The following ACO2 variants were observed in gnomAD, a reference collection of about 807,000 sequenced individuals.
The protein encoded by ACO2 is aconitate hydratase, mitochondrial.
Under a neutral mutation model 84.5 loss-of-function variants are expected in ACO2, and 31 were observed. That is an observed-to-expected ratio of 0.37 (90% CI 0.28 to 0.50). The LOEUF (loss-of-function observed/expected upper bound fraction) is 0.50. ACO2 is among the 20% of genes least tolerant of loss of function. The pLI is 0.97. For missense variants in ACO2, 685 were observed against 1,029.3 expected (o/e 0.67, Z 4.58); for synonymous variants, 414 against 412.7 (o/e 1.00, Z -0.04).
At chr22:41,508,136 G>A (rs2066408114) in intron 3 of ACO2, 87 bp downstream of exon 3, 2 of 1,488,388 alleles carry the variant, frequency 1.3e-6, no homozygotes, top group Admixed American at 2.2e-5. Context: ...CCAGGGCATT[G>A]CCTCCAAATT....
chr22:41,515,842 A>T lies in ACO2; in HGVS notation c.760A>T (p.Ile254Phe). ...PKDVILKVAG[I>F]LTVKGGTGAI... is the part of the protein sequence containing the mutation. ...AGATGTGATCCTGAAGGTGGCAGGC[A>T]TCCTCACGGTGAAAGGTGGCACAGG... Residue 254 changes from isoleucine to phenylalanine, a missense_variant, in exon 6 of 18, where the codon ATC (isoleucine) becomes TTC (phenylalanine). Coordinates refer to ENST00000216254, the MANE Select transcript of ACO2 (RefSeq NM_001098.3). This position sits in a 1 kb window ranked among gnomAD's most constrained non-coding sequence, Gnocchi z 5.8. The T allele has an allele frequency of 6.2e-7, 1 of 1,614,214 alleles. No homozygotes were observed. The highest frequency in any genetic ancestry group is 8.5e-7 in the Non-Finnish European group (1 of 1,180,038).
intron 1 of ACO2, among the ~76,000 whole-genome samples, chr22:41,487,162 G>T (rs2038167943): frequency 6.6e-6 from 1 of 152,190 alleles, no homozygotes; most frequent in Non-Finnish European, 1.5e-5. Context: ...GAGATGACAG[G>T]CATGAGCCAC....
At chr22:41,469,228 C>T (rs897398348) in intron 1 of ACO2, 46 bp downstream of exon 1, 16 of 1,588,508 alleles carry the variant, frequency 1.0e-5, no homozygotes, top group African/African-American at 1.4e-5. Flanking sequence ...CGGGGTGCCT[C>T]CTACTGTGCC....
chr22:41,479,002 C>G (rs2038055527), intron 1 of ACO2, among the ~76,000 whole-genome samples: 1 of 152,114 alleles, frequency 6.6e-6, no homozygotes. Flanking sequence ...TGCAGGGCAT[C>G]TGTGGTTGTG....
chr22:41,515,640 T>C lies in ACO2; in HGVS notation c.684+105T>C. Reference sequence around the variant, plus strand: ...GGAGGGAAAAGGGAACAAGTTAGACTCGAATCTTCTGGGAGGGAGGTAGAG... The same window carrying C: ...GGAGGGAAAAGGGAACAAGTTAGACCCGAATCTTCTGGGAGGGAGGTAGAG... On this transcript the variant is annotated intron_variant, in intron 5 of 17. Coordinates refer to ENST00000216254, the MANE Select transcript of ACO2 (RefSeq NM_001098.3). This position sits in a 1 kb window ranked among gnomAD's most constrained non-coding sequence, Gnocchi z 5.8. The C allele has an allele frequency of 6.3e-7, 1 of 1,582,352 alleles. No homozygotes were observed. Among genetic ancestry groups the C allele is most frequent in the Non-Finnish European group, 8.6e-7 (1 of 1,161,868 alleles).
chr22:41,518,430 A>T (rs41276321), intron 7 of ACO2, 51 bp from the exon 8 acceptor site: 3 of 1,452,316 alleles, frequency 2.1e-6, no homozygotes, highest in Non-Finnish European at 2.9e-6. Context: ...GTGAACTCTC[A>T]AGAACAGTTT....
intron 14 of ACO2, 50 bp from the exon 15 acceptor site, chr22:41,526,212 C>T (rs200860701): frequency 1.6e-5 from 25 of 1,533,654 alleles, no homozygotes; most frequent in East Asian, 1.6e-4. Context: ...TTGTCATCCA[C>T]CCCTCCAGGG....
chr22:41,478,491 G>T (rs756623186), intron 1 of ACO2, among the ~76,000 whole-genome samples: 5 of 152,200 alleles, frequency 3.3e-5, no homozygotes, highest in Non-Finnish European at 7.3e-5. Flanking sequence ...GGAAGAGGTA[G>T]AAATGAATCT....
At position 41,494,480 on chromosome 22, in the gene ACO2, C is replaced by T. The variant is rs2066297131; in HGVS notation, c.37-5246C>T. Among the ~76,000 whole-genome samples, 4 of 147,100 alleles carry T rather than the reference C, an allele frequency of 2.7e-5. No homozygotes were observed. The South Asian group carries it at 8.6e-4, about 31-fold the overall frequency. Reference sequence around the variant, plus strand: ...AGGCTGGAGTGCAATGGCGTGATGTCGGCTCACTGCAACCTCCACTTCCCG... The same window carrying T: ...AGGCTGGAGTGCAATGGCGTGATGTTGGCTCACTGCAACCTCCACTTCCCG... On this transcript the variant is annotated intron_variant, in intron 1 of 17. Coordinates refer to ENST00000216254, the MANE Select transcript of ACO2 (RefSeq NM_001098.3).
Position 41,515,327 on chromosome 22 carries a change from G to A in ACO2, c.526-50G>A, listed in dbSNP as rs1405442497. On this transcript the variant is annotated intron_variant, in intron 4 of 17. Coordinates refer to ENST00000216254, the MANE Select transcript of ACO2 (RefSeq NM_001098.3). The surrounding 1 kb of genome is among the most constrained non-coding windows in gnomAD (Gnocchi z 5.8). ...CCCGGGTCAGTGGGGCCATTTTTTG[G>A]TATTCTCGGCTGAGGGCTTCTAAAT... 6.2e-7 allele frequency: 1 copy of A among 1,610,154 alleles called. No individual in the cohort carries two copies. The highest frequency in any genetic ancestry group is 8.5e-7 in the Non-Finnish European group (1 of 1,178,696).
intron 1 of ACO2, among the ~76,000 whole-genome samples, chr22:41,473,516 A>G (rs1447539501): frequency 6.6e-6 from 1 of 152,210 alleles, no homozygotes; most frequent in Non-Finnish European, 1.5e-5. Flanking sequence ...AGAAAAAGAA[A>G]GAAAAAGCTT....
chr22:41,469,589 A>T (rs565697175), intron 1 of ACO2: 37 of 186,916 alleles, frequency 2.0e-4, no homozygotes, highest in Middle Eastern at 2.2e-3. Flanking sequence ...CCCATCTCTT[A>T]GCAACAGAGG....
chr22:41,490,720 T>C (rs2066265919), intron 1 of ACO2, among the ~76,000 whole-genome samples: 1 of 152,190 alleles, frequency 6.6e-6, no homozygotes, highest in African/African-American at 2.4e-5. Flanking sequence ...CATCTAAGAC[T>C]GATAAAGTAT....
intron 1 of ACO2, among the ~76,000 whole-genome samples, chr22:41,474,593 T>TGCACAGTAC (rs2037987509): frequency 2.0e-3 from 4 of 1,998 alleles, no homozygotes; most frequent in Non-Finnish European, 3.2e-3. Context: ...GCGCCTAGCC[T>TGCACAGTAC]TTTTTTTTTT....
chr22:41,472,292 G>T (rs758428154), intron 1 of ACO2, among the ~76,000 whole-genome samples: 1 of 151,650 alleles, frequency 6.6e-6, no homozygotes, highest in Non-Finnish European at 1.5e-5. Flanking sequence ...GGCGGAAGTT[G>T]CAGTAAGCCG....
At chr22:41,487,075 G>T (rs1165116465) in intron 1 of ACO2, among the ~76,000 whole-genome samples, 1 of 151,968 alleles carries the variant, frequency 6.6e-6, no homozygotes, top group Admixed American at 6.6e-5. Flanking sequence ...ATAGAGACAG[G>T]GTTTCACCAT....
intron 9 of ACO2, among the ~76,000 whole-genome samples, chr22:41,521,102 T>C (rs1183752361): frequency 9.2e-6 from 1 of 108,692 alleles, no homozygotes; most frequent in East Asian, 2.7e-4. Context: ...AAAAGAAAAA[T>C]ATGTTTATTG....
At chr22:41,480,855 A>T (rs2038078650) in intron 1 of ACO2, among the ~76,000 whole-genome samples, 1 of 152,040 alleles carries the variant, frequency 6.6e-6, no homozygotes, top group South Asian at 2.1e-4. Context: ...TTGCTCTGTC[A>T]CCCAGGCTGC....
chr22:41,507,612 G>A (rs1005489173), intron 2 of ACO2, among the ~76,000 whole-genome samples, 179 bp from the exon 3 acceptor site: 1 of 152,172 alleles, frequency 6.6e-6, no homozygotes, highest in South Asian at 2.1e-4. Flanking sequence ...AGGAGGTGAG[G>A]AGGTGGTGCA....
Sources: allele counts gnomAD v4.1 joint callset (sites outside exome capture counted in the v4.1 genomes callset), GRCh38; gene constraint gnomAD v4.1.1; non-coding constraint Gnocchi (gnomAD v3.1); transcripts MANE v1.5; gene names NCBI Gene and HGNC (gene_info 2026-07-23, HGNC 2026-07-21).